GARRE1: variants seen among roughly 807,000 people sequenced by gnomAD.
GARRE1 encodes granule associated Rac and RHOG effector protein 1.
In GARRE1, 49 loss-of-function variants were observed where a neutral mutation model predicts 103.2. The ratio of observed to expected loss-of-function variants is 0.47; its 90% confidence interval spans 0.38 to 0.60. The LOEUF (loss-of-function observed/expected upper bound fraction) is 0.60. GARRE1 is among the 20% of genes least tolerant of loss of function. GARRE1 has a pLI of 0.00. For synonymous variants in GARRE1, 505 were observed against 532.8 expected, an observed-to-expected ratio of 0.95 and a Z score of 0.72; for missense variants, 1,199 against 1,370.5, an observed-to-expected ratio of 0.87 and a Z score of 1.98.
intron 2 of GARRE1, among the ~76,000 whole-genome samples, chr19:34,307,703 A>G (rs1421149386): frequency 7.5e-6 from 1 of 132,762 alleles, no homozygotes; most frequent in Non-Finnish European, 1.5e-5. Flanking sequence ...ATATACATAT[A>G]TACTTATATA....
intron 1 of GARRE1, among the ~76,000 whole-genome samples, chr19:34,254,954 G>C (rs932773718): frequency 6.6e-6 from 1 of 151,564 alleles, no homozygotes; most frequent in Non-Finnish European, 1.5e-5. Flanking sequence ...ACGCTCCCTC[G>C]GTTCGCCGGG....
At chr19:34,352,425 C>T (rs2074243273) in intron 13 of GARRE1, among the ~76,000 whole-genome samples, 1 of 151,408 alleles carries the variant, frequency 6.6e-6, no homozygotes, top group Non-Finnish European at 1.5e-5. Flanking sequence ...AAGTTCCTTT[C>T]CTCAGTTTGC....
rs765360220 is a variant in GARRE1, at chr19:34,327,341, CTTG to C, written c.706-71_706-69del. 8.3e-5 allele frequency: 110 copies of C among 1,318,870 alleles called. No homozygotes were observed. The East Asian group carries it at 1.2e-3, about 15-fold the overall frequency. 81.7% of individuals were successfully genotyped at this position (1,318,870 alleles called of 1,614,324 possible). On this transcript the variant is annotated intron_variant, in intron 3 of 13. Coordinates refer to ENST00000299505, the MANE Select transcript of GARRE1 (RefSeq NM_014686.5). Reference sequence around the variant, plus strand: ...CTGCATTTTACTTGAGGGGGTTTTTCTTGTTGTTGTTATTGTTGGTCTAATGTT... The same window carrying C: ...CTGCATTTTACTTGAGGGGGTTTTTCTTGTTGTTATTGTTGGTCTAATGTT...
At chr19:34,265,217 C>G (rs2073744397) in intron 1 of GARRE1, among the ~76,000 whole-genome samples, 1 of 152,206 alleles carries the variant, frequency 6.6e-6, no homozygotes, top group Non-Finnish European at 1.5e-5. Context: ...TCACCCCACC[C>G]CCGGTCCCCG....
chr19:34,263,745 C>T (rs1467453556), intron 1 of GARRE1, among the ~76,000 whole-genome samples: 2 of 152,124 alleles, frequency 1.3e-5, no homozygotes, highest in Non-Finnish European at 2.9e-5. Context: ...CCTCGGCCTC[C>T]CAAAGTGCTG....
In GARRE1 at chr19:34,284,886, A is replaced by T. The variant is rs535072658; in HGVS notation, c.-795-14793A>T. ...AGACAGCATTAAGAAGAATTTTATT[A>T]AAATAATGATAATAATAATAATTAG... is the stretch of plus-strand genomic sequence containing the variant. On this transcript the variant is annotated intron_variant, in intron 1 of 13. Coordinates refer to ENST00000299505, the MANE Select transcript of GARRE1 (RefSeq NM_014686.5). 2.6e-4 allele frequency among the ~76,000 whole-genome samples: 39 copies of T among 152,258 alleles called. 1 individual carries two copies. The South Asian group carries it at 8.1e-3, about 32-fold the overall frequency.
At chr19:34,328,696 C>T (rs998348175) in intron 6 of GARRE1, among the ~76,000 whole-genome samples, 1 of 151,982 alleles carries the variant, frequency 6.6e-6, no homozygotes, top group Non-Finnish European at 1.5e-5. Context: ...CAACCTTCAC[C>T]TCCTGGGTTC....
At chr19:34,290,134 A>C (rs1419867986) in intron 1 of GARRE1, among the ~76,000 whole-genome samples, 1 of 152,186 alleles carries the variant, frequency 6.6e-6, no homozygotes, top group Non-Finnish European at 1.5e-5. Context: ...AGGCAGGAGG[A>C]TCGCTTGAGC....
At chr19:34,333,049 GT>G (rs1392452368) in intron 7 of GARRE1, among the ~76,000 whole-genome samples, 6 of 151,980 alleles carry the variant, frequency 3.9e-5, no homozygotes, top group African/African-American at 1.4e-4. Flanking sequence ...TGACTTTTTT[GT>G]TTGTTTGTTT....
chr19:34,321,202 G>T (rs35804521), intron 3 of GARRE1, among the ~76,000 whole-genome samples: 3,477 of 141,804 alleles, frequency 0.025, 64 homozygotes, highest in South Asian at 0.043. Flanking sequence ...GACTACAGGC[G>T]CCCGCCACCA....
intron 3 of GARRE1, among the ~76,000 whole-genome samples, chr19:34,325,198 A>T (rs531273733): frequency 8.1e-4 from 123 of 152,212 alleles, no homozygotes; most frequent in African/African-American, 2.9e-3. Flanking sequence ...CAATTTCTGA[A>T]TGTGAGTTTC....
chr19:34,305,538 C>G (rs11670828), intron 2 of GARRE1, among the ~76,000 whole-genome samples: 65,566 of 152,082 alleles, frequency 0.43, 17,118 homozygotes, highest in Non-Finnish European at 0.59. Flanking sequence ...TTACTGAGCT[C>G]TTCTTCAGGA....
At chr19:34,277,524 C>T (rs571441760) in intron 1 of GARRE1, among the ~76,000 whole-genome samples, 7 of 152,166 alleles carry the variant, frequency 4.6e-5, no homozygotes, top group African/African-American at 1.4e-4. Context: ...TATAGAGACT[C>T]GATTAGATTT....
chr19:34,352,231 A>G (rs1268840095), intron 13 of GARRE1, among the ~76,000 whole-genome samples: 2 of 151,848 alleles, frequency 1.3e-5, no homozygotes, highest in African/African-American at 4.8e-5. Context: ...GTGAAATCCC[A>G]TCTCTACTAA....
chr19:34,289,123 G>C (rs1256268347), intron 1 of GARRE1, among the ~76,000 whole-genome samples: 1 of 151,170 alleles, frequency 6.6e-6, no homozygotes, highest in Non-Finnish European at 1.5e-5. Context: ...AACAGAGCAA[G>C]ACTCCGTCTC....
chr19:34,341,853 T>TA lies in GARRE1; in HGVS notation c.1920dup (p.Pro641ThrfsTer3). 6.2e-7 allele frequency: 1 copy of TA among 1,614,150 alleles called. No individual in the cohort carries two copies. Among genetic ancestry groups the TA allele is most frequent in the Non-Finnish European group, 8.5e-7 (1 of 1,180,020 alleles). On this transcript the variant is annotated frameshift_variant, in exon 10 of 14. Transcript: ENST00000299505. LOFTEE classifies it high-confidence loss of function. Reference sequence around the variant, plus strand: ...GGCAAGGATGAGAAGGGTATGAACTTACCAACTGATCAGGAAATGCAAGAG... The same window carrying TA: ...GGCAAGGATGAGAAGGGTATGAACTTAACCAACTGATCAGGAAATGCAAGAG...
chr19:34,302,164 A>G (rs919062872), intron 2 of GARRE1, among the ~76,000 whole-genome samples: 3 of 140,304 alleles, frequency 2.1e-5, no homozygotes, highest in African/African-American at 8.1e-5. Flanking sequence ...CTAATTTTGT[A>G]TTTTTAGTAG....
chr19:34,301,096 C>A, intron 2 of GARRE1, 128 bp downstream of exon 2: 2 of 1,033,262 alleles, frequency 1.9e-6, no homozygotes, highest in Non-Finnish European at 2.8e-6. Flanking sequence ...GGTACTCTGT[C>A]TTTGTAAAAA....
intron 2 of GARRE1, among the ~76,000 whole-genome samples, chr19:34,306,529 C>G (rs2074008182): frequency 2.0e-5 from 3 of 152,164 alleles, no homozygotes; most frequent in African/African-American, 4.8e-5. Context: ...TGAGTCCTGT[C>G]CAGTCTATAC....
Sources: allele counts gnomAD v4.1 joint callset (sites outside exome capture counted in the v4.1 genomes callset), GRCh38; gene constraint gnomAD v4.1.1; transcripts MANE v1.5; gene names NCBI Gene and HGNC (gene_info 2026-07-23, HGNC 2026-07-21).